The following ANKFN1 variants were observed in gnomAD, a reference collection of about 807,000 sequenced individuals.
The protein encoded by ANKFN1 is ankyrin repeat and fibronectin type-III domain-containing protein 1.
Under a neutral mutation model 108.7 loss-of-function variants are expected in ANKFN1, and 74 were observed. The observed-to-expected ratio is 0.68, with a 90% CI of 0.56 to 0.83. ANKFN1 has a LOEUF of 0.83. ANKFN1 is among the 40% of genes least tolerant of loss of function. ANKFN1 has a pLI of 0.00. For synonymous variants in ANKFN1, 547 were observed against 516.2 expected, an observed-to-expected ratio of 1.06 and a Z score of -0.81; for missense variants, 1,505 against 1,382.3, an observed-to-expected ratio of 1.09 and a Z score of -1.41.
In ANKFN1 at chr17:56,511,854, C is replaced by G. The variant is rs143541156; in HGVS notation, c.*585C>G. ...CAGGGCTCACCTTATCCAATTTATC[C>G]ATCAGTACTTATCTGATTAAATAGG... is the stretch of plus-strand genomic sequence containing the variant. On this transcript the variant is annotated 3_prime_UTR_variant, in exon 21 of 21. Coordinates refer to ENST00000682825, the MANE Select transcript of ANKFN1 (RefSeq NM_001370326.1). Among the ~76,000 whole-genome samples the G allele has an allele frequency of 9.8e-5, 15 of 152,286 alleles. No homozygotes were observed. Among genetic ancestry groups the G allele is most frequent in the African/African-American group, 3.1e-4 (13 of 41,558 alleles).
At chr17:56,496,858 T>C (rs1598724185) in intron 19 of ANKFN1, among the ~76,000 whole-genome samples, 1 of 152,156 alleles carries the variant, frequency 6.6e-6, no homozygotes, top group East Asian at 1.9e-4. Flanking sequence ...ATCATGATTG[T>C]CATTATAAAA....
intron 8 of ANKFN1, among the ~76,000 whole-genome samples, chr17:56,386,081 A>G (rs1266595354): frequency 1.3e-5 from 2 of 152,152 alleles, no homozygotes; most frequent in East Asian, 3.9e-4. Flanking sequence ...CAAATGTCCA[A>G]CAATGATAGA....
At chr17:56,354,123 A>C (rs1380631022) in intron 6 of ANKFN1, 77 bp downstream of exon 6, 9 of 1,401,902 alleles carry the variant, frequency 6.4e-6, no homozygotes, top group Non-Finnish European at 8.9e-6. Context: ...GCCATTGCTG[A>C]CTTTCAGAGC....
chr17:56,492,740 A>G (rs960808584), intron 19 of ANKFN1, among the ~76,000 whole-genome samples: 3 of 152,120 alleles, frequency 2.0e-5, no homozygotes, highest in Non-Finnish European at 4.4e-5. Context: ...AAGAAAATAA[A>G]ATGACCTACC....
intron 3 of ANKFN1, among the ~76,000 whole-genome samples, chr17:56,281,679 G>A (rs943058432): frequency 6.6e-6 from 1 of 151,998 alleles, no homozygotes; most frequent in Non-Finnish European, 1.5e-5. Flanking sequence ...TTTAAAACAG[G>A]CAAAAAACTT....
At chr17:56,248,116 A>G (rs999914131) in intron 3 of ANKFN1, among the ~76,000 whole-genome samples, 1 of 152,220 alleles carries the variant, frequency 6.6e-6, no homozygotes, top group African/African-American at 2.4e-5. Context: ...CTTTTGGTCC[A>G]TTACATCATT....
chr17:56,456,401 C>CTTTT (rs397713657), intron 11 of ANKFN1, among the ~76,000 whole-genome samples: 50 of 115,446 alleles, frequency 4.3e-4, no homozygotes, highest in East Asian at 1.0e-3. Flanking sequence ...CTTTTTTTCT[C>CTTTT]TTTTTTTTTT....
intron 4 of ANKFN1, among the ~76,000 whole-genome samples, chr17:56,082,259 TTTGTTG>T (rs147027830): frequency 6.6e-6 from 1 of 151,610 alleles, no homozygotes; most frequent in East Asian, 1.9e-4. Context: ...CAACCAAGTT[TTTGTTG>T]TTGTTGTTGT....
At chr17:56,068,533 G>A (rs760293582) in intron 4 of ANKFN1, among the ~76,000 whole-genome samples, 56 of 152,126 alleles carry the variant, frequency 3.7e-4, no homozygotes, top group Non-Finnish European at 1.3e-4. Context: ...AATGGCATGA[G>A]TGCCCATAGA....
At chr17:56,424,358 C>T (rs552730239) in intron 8 of ANKFN1, among the ~76,000 whole-genome samples, 1 of 152,116 alleles carries the variant, frequency 6.6e-6, no homozygotes, top group Non-Finnish European at 1.5e-5. Flanking sequence ...GGATTTTGAA[C>T]CCAGACAGAC....
intron 4 of ANKFN1, among the ~76,000 whole-genome samples, chr17:56,336,333 G>A (rs2045809939): frequency 6.6e-6 from 1 of 152,124 alleles, no homozygotes; most frequent in Non-Finnish European, 1.5e-5. Context: ...ATTCGGCTGG[G>A]AATCCATCTG....
intron 1 of ANKFN1, among the ~76,000 whole-genome samples, chr17:56,164,446 G>A (rs1341918808): frequency 4.6e-5 from 7 of 152,126 alleles, no homozygotes; most frequent in Admixed American, 3.3e-4. Flanking sequence ...ACTCTGTGCT[G>A]CTTGAGGGTG....
intron 11 of ANKFN1, among the ~76,000 whole-genome samples, chr17:56,450,403 T>C (rs928643187): frequency 6.6e-6 from 1 of 152,208 alleles, no homozygotes; most frequent in African/African-American, 2.4e-5. Flanking sequence ...CCTTCAGCAA[T>C]GTTGGCTCTA....
intron 2 of ANKFN1, among the ~76,000 whole-genome samples, chr17:56,217,698 T>C (rs1414479964): frequency 1.3e-5 from 2 of 150,780 alleles, no homozygotes; most frequent in East Asian, 1.9e-4. Flanking sequence ...CCCACTGTTA[T>C]GAGTAAGTTC....
At chr17:56,509,596 G>A (rs1246322832) in intron 20 of ANKFN1, among the ~76,000 whole-genome samples, 1 of 152,202 alleles carries the variant, frequency 6.6e-6, no homozygotes, top group Admixed American at 6.5e-5. Flanking sequence ...GTGCGTTGGT[G>A]TCCCAATTAA....
At chr17:56,233,822 A>AGTTT (rs1364800088) in intron 3 of ANKFN1, among the ~76,000 whole-genome samples, 6 of 152,074 alleles carry the variant, frequency 3.9e-5, no homozygotes, top group Non-Finnish European at 7.4e-5. Context: ...GAATGAATAT[A>AGTTT]GTTTCCATGT....
At chr17:56,248,055 T>C (rs2043156900) in intron 3 of ANKFN1, among the ~76,000 whole-genome samples, 1 of 152,178 alleles carries the variant, frequency 6.6e-6, no homozygotes, top group Non-Finnish European at 1.5e-5. Flanking sequence ...TCAGCAACCA[T>C]GAGGTCTTCA....
chr17:56,278,579 A>G (rs912121437), intron 3 of ANKFN1, among the ~76,000 whole-genome samples: 4 of 152,358 alleles, frequency 2.6e-5, no homozygotes, highest in Middle Eastern at 3.4e-3. Flanking sequence ...CCAGTTCAAA[A>G]AAATTCCTAT....
At chr17:56,380,337 A>G (rs2047059319) in intron 8 of ANKFN1, among the ~76,000 whole-genome samples, 1 of 152,196 alleles carries the variant, frequency 6.6e-6, no homozygotes, top group African/African-American at 2.4e-5. Flanking sequence ...GCTCCAGTCT[A>G]CAGCTCCCAG....
Sources: gnomAD v4.1 joint callset for allele counts (sites outside exome capture counted in the v4.1 genomes callset) on GRCh38, gnomAD v4.1.1 for gene constraint, MANE v1.5 for transcripts, NCBI Gene and HGNC (gene_info 2026-07-23, HGNC 2026-07-21) for gene names.